KCNH5: variants seen among roughly 807,000 people sequenced by gnomAD.
The protein encoded by KCNH5 is potassium voltage-gated channel subfamily H member 5.
A neutral mutation model predicts 96.1 loss-of-function variants in KCNH5; 46 were observed. That is an observed-to-expected ratio of 0.48 (90% CI 0.38 to 0.61). The LOEUF (loss-of-function observed/expected upper bound fraction) is 0.61. Ranked by LOEUF, KCNH5 falls within the 20% of genes least tolerant of loss-of-function variation. The pLI, the probability that KCNH5 is intolerant of heterozygous loss-of-function variation, is 0.00. For missense variants in KCNH5, 907 were observed against 1,225.8 expected (o/e 0.74, Z 3.88); for synonymous variants, 439 against 449.8 (o/e 0.98, Z 0.30).
At chr14:62,958,473 C>A (rs1333804737) in intron 6 of KCNH5, among the ~76,000 whole-genome samples, 16 of 152,130 alleles carry the variant, frequency 1.1e-4, no homozygotes, top group Non-Finnish European at 2.9e-5. Flanking sequence ...AAAACTTTCT[C>A]CAGCTCTGAA....
chr14:62,921,102 G>A (rs1889372933), intron 7 of KCNH5, among the ~76,000 whole-genome samples: 1 of 151,828 alleles, frequency 6.6e-6, no homozygotes. Context: ...TTTATCCTTT[G>A]TTGTAGAGCT....
chr14:63,000,910 A>AT (rs1188957166), intron 4 of KCNH5, among the ~76,000 whole-genome samples: 1 of 152,130 alleles, frequency 6.6e-6, no homozygotes, highest in Non-Finnish European at 1.5e-5. Flanking sequence ...CCCTGACTCT[A>AT]TAAAAAATAG....
At position 62,801,499 on chromosome 14, in the gene KCNH5, ATTTTTTTTTTTT is replaced by A. The variant is rs35409070; in HGVS notation, c.1822+818_1822+829del. Among the ~76,000 whole-genome samples the A allele has an allele frequency of 4.2e-3, 456 of 108,860 alleles. 4 individuals carry two copies. The highest frequency in any genetic ancestry group is 6.6e-3 in the Middle Eastern group (1 of 152). The allele number at this position is 108,860 out of a possible 152,430, so 71.4% of individuals were successfully genotyped here. A position where few individuals can be genotyped will look rare whatever the true frequency, so the allele number is the denominator to read the frequency against. Reference sequence around the variant, plus strand: ...AAATGATCTAAAAGGTCATTTGGCAATTTTTTTTTTTTTTTTTTTTTTTGCCAAGCGTATATC... The same window carrying A: ...AAATGATCTAAAAGGTCATTTGGCAATTTTTTTTTTTGCCAAGCGTATATC... On this transcript the variant is annotated intron_variant, in intron 9 of 10. Transcript: ENST00000322893.
intron 8 of KCNH5, 82 bp from the exon 9 acceptor site, chr14:62,802,663 T>C: frequency 2.0e-6 from 3 of 1,498,338 alleles, no homozygotes. Context: ...CAAATATTTA[T>C]TGACTATGAC....
At chr14:62,843,570 C>A (rs911435486) in intron 8 of KCNH5, among the ~76,000 whole-genome samples, 21 of 151,952 alleles carry the variant, frequency 1.4e-4, no homozygotes, top group Admixed American at 1.4e-3. Context: ...CACCACCACG[C>A]CCAGCTAATT....
At chr14:62,994,176 A>G (rs1890864817) in intron 4 of KCNH5, among the ~76,000 whole-genome samples, 1 of 152,080 alleles carries the variant, frequency 6.6e-6, no homozygotes, top group African/African-American at 2.4e-5. Flanking sequence ...TACATAGTAT[A>G]ATTACTCATA....
At chr14:62,866,584 G>C (rs1199597690) in intron 7 of KCNH5, among the ~76,000 whole-genome samples, 2 of 152,120 alleles carry the variant, frequency 1.3e-5, no homozygotes, top group South Asian at 4.1e-4. Flanking sequence ...CAGGGCTCCT[G>C]TCAGGTACTA....
intron 10 of KCNH5, among the ~76,000 whole-genome samples, chr14:62,766,566 C>T (rs1472592563): frequency 6.6e-6 from 1 of 152,042 alleles, no homozygotes; most frequent in Non-Finnish European, 1.5e-5. Flanking sequence ...TTAAATGAAG[C>T]AAGCCAGGCA....
At chr14:62,715,135 C>T (rs922894025) in intron 10 of KCNH5, among the ~76,000 whole-genome samples, 7 of 152,092 alleles carry the variant, frequency 4.6e-5, no homozygotes, top group African/African-American at 1.4e-4. Context: ...AAAAGTAGGA[C>T]ATTTGATCAT....
chr14:62,739,179 T>C (rs1885220945), intron 10 of KCNH5, among the ~76,000 whole-genome samples: 1 of 152,204 alleles, frequency 6.6e-6, no homozygotes, highest in Non-Finnish European at 1.5e-5. Flanking sequence ...CAAATCATGC[T>C]GCCATGCCAT....
chr14:62,870,546 T>TA (rs1254389660), intron 7 of KCNH5, among the ~76,000 whole-genome samples: 2 of 152,164 alleles, frequency 1.3e-5, no homozygotes, highest in Non-Finnish European at 2.9e-5. Flanking sequence ...TTTTTTAACT[T>TA]AAAAAAGTCT....
chr14:63,040,265 A>G (rs185233488), intron 1 of KCNH5, among the ~76,000 whole-genome samples: 4 of 152,282 alleles, frequency 2.6e-5, no homozygotes, highest in African/African-American at 9.6e-5. Flanking sequence ...TGTCTTACAC[A>G]TCCTACTTCT....
chr14:62,812,360 A>G (rs1201268947), intron 8 of KCNH5, among the ~76,000 whole-genome samples: 2 of 152,178 alleles, frequency 1.3e-5, no homozygotes, highest in Non-Finnish European at 2.9e-5. Context: ...AATGTATCAC[A>G]TACTTCAATA....
In KCNH5 at chr14:62,949,349, G is replaced by A. The variant is rs187785821; in HGVS notation, c.1369+784C>T. Among the ~76,000 whole-genome samples, 3 of 152,344 alleles carry A rather than the reference G, an allele frequency of 2.0e-5. No homozygotes were observed. In the East Asian group the frequency reaches 5.8e-4, roughly 29 times the overall value. On this transcript the variant is annotated intron_variant, in intron 7 of 10. Coordinates refer to ENST00000322893, the MANE Select transcript of KCNH5 (RefSeq NM_139318.5). ...AAATCAAAGTACAATCTTAAGGTTA[G>A]TTTAGGTGTGGATAAGTCATCTAAG...
chr14:62,734,816 C>T (rs1320976034), intron 10 of KCNH5, among the ~76,000 whole-genome samples: 1 of 152,098 alleles, frequency 6.6e-6, no homozygotes, highest in Non-Finnish European at 1.5e-5. Context: ...ATAGCCAAAA[C>T]TTAACATCAA....
At chr14:62,808,656 C>A (rs1886816437) in intron 8 of KCNH5, among the ~76,000 whole-genome samples, 1 of 152,060 alleles carries the variant, frequency 6.6e-6, no homozygotes, top group Admixed American at 6.6e-5. Context: ...ACTGTATTTG[C>A]ATAAATATGT....
At chr14:62,814,175 C>A (rs1393825652) in intron 8 of KCNH5, among the ~76,000 whole-genome samples, 1 of 152,078 alleles carries the variant, frequency 6.6e-6, no homozygotes, top group Admixed American at 6.6e-5. Flanking sequence ...AAAAATGAGA[C>A]CTAAAGTTTT....
At chr14:63,024,591 G>A (rs757739218) in intron 1 of KCNH5, among the ~76,000 whole-genome samples, 13 of 151,840 alleles carry the variant, frequency 8.6e-5, no homozygotes, top group Non-Finnish European at 1.5e-4. Flanking sequence ...TCAAAGAGGA[G>A]ACAATACAAC....
At chr14:62,938,915 G>A (rs943144169) in intron 7 of KCNH5, among the ~76,000 whole-genome samples, 3 of 152,178 alleles carry the variant, frequency 2.0e-5, no homozygotes, top group African/African-American at 4.8e-5. Flanking sequence ...TCTAATAATC[G>A]AACAAGTATA....
Sources: gnomAD v4.1 joint callset for allele counts (sites outside exome capture counted in the v4.1 genomes callset) on GRCh38, gnomAD v4.1.1 for gene constraint, MANE v1.5 for transcripts, NCBI Gene and HGNC (gene_info 2026-07-23, HGNC 2026-07-21) for gene names.